Variants in RAPGEF4 observed in about 807,000 individuals in gnomAD.
The protein encoded by RAPGEF4 is RAP guanine-nucleotide-exchange factor (GEF) 4.
Under a neutral mutation model 147.9 loss-of-function variants are expected in RAPGEF4, and 66 were observed. That is an observed-to-expected ratio of 0.45 (90% CI 0.37 to 0.55). RAPGEF4 has a LOEUF of 0.55. Among genes scored for constraint, RAPGEF4 ranks in the 20% least tolerant of loss-of-function variants. The pLI is 0.00. For synonymous variants in RAPGEF4, 419 were observed against 442.7 expected (o/e 0.95, Z 0.67); for missense variants, 1,071 against 1,257.3 (o/e 0.85, Z 2.24).
chr2:172,764,034 C>T (rs573692489), intron 1 of RAPGEF4, among the ~76,000 whole-genome samples: 6 of 152,056 alleles, frequency 3.9e-5, no homozygotes, highest in Non-Finnish European at 8.8e-5. Flanking sequence ...GAGGATCACT[C>T]GAACCCAGGA....
chr2:172,772,701 T>A (rs1683747373), intron 1 of RAPGEF4, among the ~76,000 whole-genome samples: 1 of 152,246 alleles, frequency 6.6e-6, no homozygotes, highest in African/African-American at 2.4e-5. Flanking sequence ...CATTAAATCC[T>A]CAGTATGTTT....
chr2:173,009,421 C>A (rs982947072), intron 17 of RAPGEF4, among the ~76,000 whole-genome samples: 3 of 152,174 alleles, frequency 2.0e-5, no homozygotes, highest in African/African-American at 7.2e-5. Flanking sequence ...GAGTTTACGA[C>A]CTCGTTCCTT....
chr2:172,876,141 A>T (rs1199807191), intron 4 of RAPGEF4, among the ~76,000 whole-genome samples: 1 of 152,046 alleles, frequency 6.6e-6, no homozygotes, highest in Admixed American at 6.6e-5. Flanking sequence ...GCTTAAGGAG[A>T]TTTTGGGCTG....
chr2:172,993,599 G>A (rs549282839), intron 15 of RAPGEF4, among the ~76,000 whole-genome samples: 34 of 152,282 alleles, frequency 2.2e-4, no homozygotes, highest in Non-Finnish European at 4.1e-4. Flanking sequence ...GGGTCATGCT[G>A]TGTGGTCTTC....
intron 10 of RAPGEF4, among the ~76,000 whole-genome samples, chr2:172,982,150 C>T (rs11884510): frequency 0.073 from 11,105 of 152,200 alleles, 599 homozygotes; most frequent in South Asian, 0.16. Context: ...CTAAATCTAG[C>T]GCTGTGTTTA....
chr2:172,821,737 TAA>T (rs35414922), intron 4 of RAPGEF4: 36,386 of 782,242 alleles, frequency 0.047, 1 homozygote, highest in Non-Finnish European at 0.049. Flanking sequence ...TAACTAAAGT[TAA>T]AAAAAAAAAA....
At chr2:172,973,924 G>A (rs1690786860) in intron 10 of RAPGEF4, among the ~76,000 whole-genome samples, 1 of 152,156 alleles carries the variant, frequency 6.6e-6, no homozygotes, top group South Asian at 2.1e-4. Flanking sequence ...ATTCTTACCA[G>A]TTTATCATTA....
Position 173,027,094 on chromosome 2 carries a change from A to G in RAPGEF4, c.2393A>G (p.Tyr798Cys), listed in dbSNP as rs1277536810. 4 of 1,597,400 alleles carry G rather than the reference A, an allele frequency of 2.5e-6. No homozygotes were observed. Among genetic ancestry groups the G allele is most frequent in the South Asian group, 1.2e-5 (1 of 86,924 alleles). Residue 798 changes from tyrosine (Y) to cysteine (C), a missense_variant, in exon 25 of 31, where the codon TAT (tyrosine) becomes TGT (cysteine). By Grantham distance (194) the Tyr-to-Cys change is radical (BLOSUM62 -2). Transcript: ENST00000397081. ...FNCVHELELIYHTFGRHNFKK... is the reference protein window; with the variant it reads ...FNCVHELELICHTFGRHNFKK... ...TTTATTTTCTAGCTGGAGCTAATCTATCACACATTTGGAAGGCATAATTTT... is the reference window on the plus strand; with the variant it reads ...TTTATTTTCTAGCTGGAGCTAATCTGTCACACATTTGGAAGGCATAATTTT...
At chr2:172,961,301 T>C in intron 8 of RAPGEF4, 73 bp downstream of exon 8, 1 of 1,237,474 alleles carries the variant, frequency 8.1e-7, no homozygotes, top group Non-Finnish European at 1.2e-6. Flanking sequence ...AAAATGCTTC[T>C]CCCTGTTTTC....
chr2:172,758,139 G>A (rs184360064), intron 1 of RAPGEF4, among the ~76,000 whole-genome samples: 15 of 152,262 alleles, frequency 9.9e-5, no homozygotes, highest in Admixed American at 2.6e-4. Flanking sequence ...GAGCAAAGAG[G>A]CAGAGGAGTT....
At chr2:173,013,042 A>G (rs1049821942) in intron 17 of RAPGEF4, among the ~76,000 whole-genome samples, 4 of 152,174 alleles carry the variant, frequency 2.6e-5, no homozygotes, top group Non-Finnish European at 5.9e-5. Flanking sequence ...AGGTTGAGCA[A>G]TTTTCTTTTT....
chr2:173,048,699 T>G, intron 30 of RAPGEF4, 45 bp downstream of exon 30: 1 of 1,613,436 alleles, frequency 6.2e-7, no homozygotes, highest in Non-Finnish European at 8.5e-7. Flanking sequence ...TGTTGGTGAT[T>G]AAGGTCTTCT....
At chr2:172,817,639 G>A (rs138120223) in intron 4 of RAPGEF4, among the ~76,000 whole-genome samples, 13 of 152,176 alleles carry the variant, frequency 8.5e-5, no homozygotes, top group Non-Finnish European at 1.3e-4. Flanking sequence ...ATCAGATGGT[G>A]GGAATGTAAA....
At chr2:172,747,400 A>G (rs1694876475) in intron 1 of RAPGEF4, among the ~76,000 whole-genome samples, 1 of 152,244 alleles carries the variant, frequency 6.6e-6, no homozygotes, top group East Asian at 1.9e-4. Flanking sequence ...TTTGAAATAC[A>G]GTATTGTTAA....
At chr2:172,752,975 A>C (rs1013687105) in intron 1 of RAPGEF4, among the ~76,000 whole-genome samples, 6 of 152,190 alleles carry the variant, frequency 3.9e-5, no homozygotes, top group African/African-American at 1.4e-4. Context: ...TCATTTTAGA[A>C]TTCAACATTT....
intron 4 of RAPGEF4, among the ~76,000 whole-genome samples, chr2:172,819,458 G>GTTATTT (rs1553514342): frequency 1.3e-5 from 1 of 79,698 alleles, no homozygotes; most frequent in African/African-American, 4.4e-5. Flanking sequence ...ACCATTTTTA[G>GTTATTT]TTCTTTTTTT....
At chr2:172,836,015 A>G (rs17756739) in intron 4 of RAPGEF4, among the ~76,000 whole-genome samples, 2,276 of 152,276 alleles carry the variant, frequency 0.015, 19 homozygotes, top group South Asian at 0.034. Flanking sequence ...TGATAGTTGT[A>G]ATTACTCCAG....
intron 18 of RAPGEF4, among the ~76,000 whole-genome samples, 158 bp downstream of exon 18, chr2:173,014,772 A>C (rs780215773): frequency 6.6e-6 from 1 of 152,242 alleles, no homozygotes; most frequent in Non-Finnish European, 1.5e-5. Flanking sequence ...AAAGTAAGGA[A>C]AAAATTTACC....
At chr2:172,890,951 G>A (rs561944000) in intron 4 of RAPGEF4, among the ~76,000 whole-genome samples, 6 of 152,248 alleles carry the variant, frequency 3.9e-5, no homozygotes, top group Admixed American at 2.0e-4. Context: ...CCAACATGGC[G>A]AAACCCCGTC....
Sources: allele counts gnomAD v4.1 joint callset (sites outside exome capture counted in the v4.1 genomes callset), GRCh38; gene constraint gnomAD v4.1.1; transcripts MANE v1.5; gene names NCBI Gene and HGNC (gene_info 2026-07-23, HGNC 2026-07-21).